The following ZNF575 variants were observed in gnomAD, a reference collection of about 807,000 sequenced individuals.
The protein encoded by ZNF575 is zinc finger protein 575.
In ZNF575, 17 loss-of-function variants were observed where a neutral mutation model predicts 17.5. The ratio of observed to expected loss-of-function variants is 0.97; its 90% CI spans 0.66 to 1.45. ZNF575 has a LOEUF of 1.45. Among genes scored for constraint, ZNF575 ranks in the 40% most tolerant of loss-of-function variants. The probability of loss-of-function intolerance (pLI) is 0.00; values close to 1 mark genes in which losing one functional copy is unlikely to be tolerated. For missense variants in ZNF575, 352 were observed against 359.2 expected (o/e 0.98, Z 0.16); for synonymous variants, 146 against 158.3 (o/e 0.92, Z 0.58).
intron 3 of ZNF575, 89 bp from the exon 4 acceptor site, chr19:43,534,940 C>A (rs1457399483): frequency 6.4e-6 from 8 of 1,240,630 alleles, no homozygotes; most frequent in African/African-American, 6.4e-5. Flanking sequence ...CTTGGAGGAG[C>A]CCCACGAATA....
In ZNF575 at chr19:43,535,552, C is replaced by T. The variant is rs1972407689; in HGVS notation, c.603C>T (p.Pro201=). The change falls in exon 4 of 4, where the codon CCC becomes CCT. Residue 201 remains proline, a synonymous_variant. Coordinates refer to ENST00000314228, the MANE Select transcript of ZNF575 (RefSeq NM_174945.3). ...CCGCCCATCGCCTATGTCACGACCCCCCAACCGCGCCCGGCAGCCAGGCGA... is the reference window on the plus strand; with the variant it reads ...CCGCCCATCGCCTATGTCACGACCCTCCAACCGCGCCCGGCAGCCAGGCGA... The part of the protein sequence containing the change: ...KLAAHRLCHD[P]PTAPGSQATA... 2.5e-6 allele frequency: 4 copies of T among 1,613,844 alleles called. No individual in the cohort carries two copies. The highest frequency in any genetic ancestry group is 2.7e-5 in the African/African-American group (2 of 74,944).
At position 43,534,491 on chromosome 19, in the gene ZNF575, G is replaced by T. The variant is rs377143393; in HGVS notation, c.69G>T (p.Val23=). 110 of 1,466,224 alleles carry T rather than the reference G, an allele frequency of 7.5e-5. No homozygotes were observed. The highest frequency in any genetic ancestry group is 8.9e-5 in the Non-Finnish European group (99 of 1,106,924). The allele number at this position is 1,466,224 out of a possible 1,614,324, so 90.8% of individuals were successfully genotyped here. A position where few individuals can be genotyped will look rare whatever the true frequency, so the allele number is the denominator to read the frequency against. Residue 23 remains valine (V), a synonymous_variant, in exon 3 of 4, where the codon GTG becomes GTT. Transcript: ENST00000314228. The stretch of plus-strand genomic sequence containing the variant: ...CTAGTCCCACTGGCAAGGAACCAGT[G>T]ACCAAAGAAGGTGAGAGTGCCCCGC... The part of the protein sequence containing the change: ...TDPSPTGKEP[V]TKEAPHQGPP...
Position 43,535,093 on chromosome 19 carries a change from C to A in ZNF575, c.144C>A (p.Gly48=). Reference sequence around the variant, plus strand: ...CTCCAGGGCCCACCGCGTCCGCGGGCTCGCCTCCCCGGCCTCGCCGGCGGC... The same window carrying A: ...CTCCAGGGCCCACCGCGTCCGCGGGATCGCCTCCCCGGCCTCGCCGGCGGC... ...QSAPGPTASA[G]SPPRPRRRPP... Residue 48 remains glycine (G), a synonymous_variant, in exon 4 of 4, where the codon GGC becomes GGA. Coordinates refer to ENST00000314228, the MANE Select transcript of ZNF575 (RefSeq NM_174945.3). 6.7e-7 allele frequency: 1 copy of A among 1,500,754 alleles called. No individual in the cohort carries two copies. Among genetic ancestry groups the A allele is most frequent in the Non-Finnish European group, 8.8e-7 (1 of 1,132,214 alleles). 93.0% of individuals were successfully genotyped at this position (1,500,754 alleles called of 1,614,324 possible). A position where few individuals can be genotyped will look rare whatever the true frequency, so the allele number is the denominator to read the frequency against.
chr19:43,535,792 G>GAGGGC lies in ZNF575; in HGVS notation c.*112_*116dup. 7.4e-7 allele frequency: 1 copy of GAGGGC among 1,346,950 alleles called. No individual in the cohort carries two copies. The highest frequency in any genetic ancestry group is 9.9e-7 in the Non-Finnish European group (1 of 1,008,104). The allele number at this position is 1,346,950 out of a possible 1,614,324, so 83.4% of individuals were successfully genotyped here. On this transcript the variant is annotated 3_prime_UTR_variant, in exon 4 of 4. Coordinates refer to ENST00000314228, the MANE Select transcript of ZNF575 (RefSeq NM_174945.3). ...GCTCGCCTCTTCCAGATAGCTGGCA[G>GAGGGC]AGGGCAGGGCAAGGGATTGGCCATT...
At position 43,535,132 on chromosome 19, in the gene ZNF575, C is replaced by T. The variant is rs1427442185; in HGVS notation, c.183C>T (p.Arg61=). 14 of 1,559,802 alleles carry T rather than the reference C, an allele frequency of 9.0e-6. No individual in the cohort carries two copies. Among genetic ancestry groups the T allele is most frequent in the Non-Finnish European group, 1.2e-5 (14 of 1,155,100 alleles). Residue 61 remains arginine (R), a synonymous_variant, in exon 4 of 4, where the codon CGC becomes CGT. Coordinates refer to ENST00000314228, the MANE Select transcript of ZNF575 (RefSeq NM_174945.3). ...PRPRRRPPPQ[R]PHRCPDCDKA... ...CTCGCCGGCGGCCCCCGCCCCAGCG[C>T]CCGCACCGCTGCCCCGACTGTGACA...
In ZNF575 at chr19:43,535,557, C is replaced by T. The variant is rs751963732; in HGVS notation, c.608C>T (p.Thr203Ile). ...CATCGCCTATGTCACGACCCCCCAA[C>T]CGCGCCCGGCAGCCAGGCGACTGCC... ...AAHRLCHDPP[T>I]APGSQATAWH... Residue 203 changes from threonine to isoleucine, a missense_variant, in exon 4 of 4, where the codon ACC becomes ATC. By Grantham distance (89) the Thr-to-Ile change is moderately conservative. Transcript: ENST00000314228. The T allele has an allele frequency of 1.2e-6, 2 of 1,613,944 alleles. No individual in the cohort carries two copies. The highest frequency in any genetic ancestry group is 1.6e-4 in the Middle Eastern group (1 of 6,062).
chr19:43,532,276 A>G (rs1462868670), upstream of ZNF575, among the ~76,000 whole-genome samples: 1 of 151,232 alleles, frequency 6.6e-6, no homozygotes, highest in Non-Finnish European at 1.5e-5. Flanking sequence ...TGATCCGTCC[A>G]CCTCCGCCTC....
At chr19:43,531,942 CTTTTTTTTTTTT>C (rs869122064), upstream of ZNF575, 98 of 107,312 alleles carry the variant, frequency 9.1e-4, 2 homozygotes, top group South Asian at 2.5e-3. Context: ...TTAAGCCAGA[CTTTTTTTTTTTT>C]TTTTTTTTTT....
Position 43,534,320 on chromosome 19 carries a change from G to C in ZNF575, c.-86-17G>C, listed in dbSNP as rs993901781. ...CTTGCAGACCTTGCTCCTAAACAGTGTGATCCCTCATTTTAGGCCCTCCAA... is the reference window on the plus strand; with the variant it reads ...CTTGCAGACCTTGCTCCTAAACAGTCTGATCCCTCATTTTAGGCCCTCCAA... On this transcript the variant is annotated splice_polypyrimidine_tract_variant and intron_variant, in intron 2 of 3. Coordinates refer to ENST00000314228, the MANE Select transcript of ZNF575 (RefSeq NM_174945.3). 2.7e-6 allele frequency: 3 copies of C among 1,128,006 alleles called. No individual in the cohort carries two copies. In the South Asian group the frequency reaches 4.0e-5, roughly 15 times the overall value. 69.9% of individuals were successfully genotyped at this position (1,128,006 alleles called of 1,614,324 possible). A position where few individuals can be genotyped will look rare whatever the true frequency, so the allele number is the denominator to read the frequency against.
Position 43,535,356 on chromosome 19 carries a change from C to T in ZNF575, c.407C>T (p.Ala136Val). 2 of 1,591,246 alleles carry T rather than the reference C, an allele frequency of 1.3e-6. No homozygotes were observed. Among genetic ancestry groups the T allele is most frequent in the Non-Finnish European group, 1.7e-6 (2 of 1,164,302 alleles). ...TTTGGCCACCGCTCCAAGCTGGCGG[C>T]TCACCTCTGGACCCACGCACCCACC... Reference protein sequence around the residue: ...KSFGHRSKLAAHLWTHAPTRP... With the variant: ...KSFGHRSKLAVHLWTHAPTRP... Residue 136 changes from alanine to valine, a missense_variant, in exon 4 of 4, where the codon GCT (alanine) becomes GTT (valine). Ala to Val is a moderately conservative substitution (Grantham distance 64). Coordinates refer to ENST00000314228, the MANE Select transcript of ZNF575 (RefSeq NM_174945.3).
upstream of ZNF575, chr19:43,531,775 ATAAT>A (rs1259455316): frequency 1.5e-6 from 1 of 663,182 alleles, no homozygotes; most frequent in Non-Finnish European, 2.7e-6. Context: ...TCATGAGTGA[ATAAT>A]TATTTTAAAA....
In ZNF575 at chr19:43,535,418, T is replaced by G. The variant is rs773361553; in HGVS notation, c.469T>G (p.Cys157Gly). The change falls in exon 4 of 4, where the codon TGC (cysteine) becomes GGC (glycine). Residue 157 changes from cysteine (C) to glycine (G), a missense_variant. Coordinates refer to ENST00000314228, the MANE Select transcript of ZNF575 (RefSeq NM_174945.3). ...YPCPDCPKSFCYPSKLAAHRH... is the reference protein window; with the variant it reads ...YPCPDCPKSFGYPSKLAAHRH... ...GTGCCCCGACTGCCCCAAGTCCTTC[T>G]GCTACCCTTCCAAGCTGGCGGCCCA... The G allele has an allele frequency of 7.9e-6, 12 of 1,521,216 alleles. No individual in the cohort carries two copies. Among genetic ancestry groups the G allele is most frequent in the Middle Eastern group, 1.8e-4 (1 of 5,656 alleles). 94.2% of individuals were successfully genotyped at this position (1,521,216 alleles called of 1,614,324 possible).
At chr19:43,532,720 G>T (rs1212888449), upstream of ZNF575, among the ~76,000 whole-genome samples, 3 of 152,154 alleles carry the variant, frequency 2.0e-5, no homozygotes, top group Non-Finnish European at 4.4e-5. Flanking sequence ...AAGGTGCACC[G>T]CCACTGCTCG....
chr19:43,535,047 C>A lies in ZNF575; in HGVS notation c.98C>A (p.Pro33Gln). ...CCCCCAGCTCCCCACCAGGGCCCAC[C>A]GCAGAAGCCCAGCCAGTCAGCTCCA... ...VTKEAPHQGP[P>Q]QKPSQSAPGP... The change falls in exon 4 of 4, where the codon CCG becomes CAG. Residue 33 changes from proline (P) to glutamine (Q), a missense_variant. Physicochemically the swap from Pro to Gln is moderately conservative, Grantham distance 76. Coordinates refer to ENST00000314228, the MANE Select transcript of ZNF575 (RefSeq NM_174945.3). 1 of 1,477,276 alleles carries A rather than the reference C, an allele frequency of 6.8e-7. No individual in the cohort carries two copies. Among genetic ancestry groups the A allele is most frequent in the Non-Finnish European group, 8.9e-7 (1 of 1,125,312 alleles). 91.5% of individuals were successfully genotyped at this position (1,477,276 alleles called of 1,614,324 possible).
chr19:43,534,034 T>A (rs1972379196), intron 2 of ZNF575, 132 bp downstream of exon 2: 1 of 222,608 alleles, frequency 4.5e-6, no homozygotes, highest in African/African-American at 2.3e-5. Context: ...AACAAGACTT[T>A]TTTTGTACAG....
chr19:43,535,920 T>C lies in ZNF575; in HGVS notation c.*233T>C, dbSNP rs549509180. ...AGCTGTGGTTTGACAGCGCTGGCTC[T>C]GCTTCTCCCCACACACTTACATGGC... is the stretch of plus-strand genomic sequence containing the variant. On this transcript the variant is annotated 3_prime_UTR_variant, in exon 4 of 4. Transcript: ENST00000314228. 5.3e-6 allele frequency: 3 copies of C among 570,044 alleles called. No individual in the cohort carries two copies. Among genetic ancestry groups the C allele is most frequent in the Non-Finnish European group, 9.3e-6 (3 of 322,332 alleles). 35.3% of individuals were successfully genotyped at this position (570,044 alleles called of 1,614,324 possible).
chr19:43,533,599 G>C (rs1032920287), intron 1 of ZNF575, 78 bp downstream of exon 1: 1 of 152,360 alleles, frequency 6.6e-6, no homozygotes, highest in Non-Finnish European at 1.5e-5. Flanking sequence ...GATCGGTTGT[G>C]GTCCGGACGC....
chr19:43,531,035 A>G (rs1972336400), upstream of ZNF575, among the ~76,000 whole-genome samples: 1 of 151,182 alleles, frequency 6.6e-6, no homozygotes, highest in Non-Finnish European at 1.5e-5. Context: ...TCCCAGCACC[A>G]TGGGAGGCCG....
rs778606721 is a variant in ZNF575 at position 43,535,473 on chromosome 19, G to T, written c.524G>T (p.Arg175Leu). ...CACACGCACCACGCCACCGACGCCC[G>T]CCCCTATCCTTGCCCGCATTGCCCC... ...HRHTHHATDARPYPCPHCPKA... is the reference protein window; with the variant it reads ...HRHTHHATDALPYPCPHCPKA... The change falls in exon 4 of 4, where the codon CGC becomes CTC. Residue 175 changes from arginine to leucine, a missense_variant. Coordinates refer to ENST00000314228, the MANE Select transcript of ZNF575 (RefSeq NM_174945.3). The T allele has an allele frequency of 6.5e-7, 1 of 1,528,556 alleles. No homozygotes were observed. Among genetic ancestry groups the T allele is most frequent in the Non-Finnish European group, 8.9e-7 (1 of 1,127,732 alleles). 94.7% of individuals were successfully genotyped at this position (1,528,556 alleles called of 1,614,324 possible). A position where few individuals can be genotyped will look rare whatever the true frequency, so the allele number is the denominator to read the frequency against.
Sources: gnomAD v4.1 joint callset for allele counts (sites outside exome capture counted in the v4.1 genomes callset) on GRCh38, gnomAD v4.1.1 for gene constraint, MANE v1.5 for transcripts, NCBI Gene and HGNC (gene_info 2026-07-23, HGNC 2026-07-21) for gene names.